EIF6: variants seen among roughly 807,000 people sequenced by gnomAD.
EIF6 encodes the protein eukaryotic translation initiation factor 6.
In EIF6, 10 loss-of-function variants were observed where a neutral mutation model predicts 25.5. The ratio of observed to expected loss-of-function variants is 0.39; its 90% CI spans 0.24 to 0.66. The LOEUF is 0.66. EIF6 is among the 30% of genes least tolerant of loss of function. The probability of loss-of-function intolerance (pLI) is 0.45; values close to 1 mark genes in which losing one functional copy is unlikely to be tolerated. For synonymous variants in EIF6, 122 were observed against 122.6 expected (o/e 1.00, Z 0.03); for missense variants, 246 against 315.4 (o/e 0.78, Z 1.67).
In EIF6 at chr20:35,279,164, G is replaced by A. The variant is rs2060746954; in HGVS notation, c.*33C>T. 4 of 1,613,804 alleles carry A rather than the reference G, an allele frequency of 2.5e-6. No individual in the cohort carries two copies. Among genetic ancestry groups the A allele is most frequent in the South Asian group, 1.1e-5 (1 of 91,056 alleles). On this transcript the variant is annotated 3_prime_UTR_variant, in exon 7 of 7. Transcript: ENST00000374450. ...TGGAGAAGGTTGGCCACAGTCCAGA[G>A]CCAGGAGCCCATGGAACAACTTGGA...
intron 3 of EIF6, among the ~76,000 whole-genome samples, chr20:35,283,421 A>G (rs1230010668): frequency 6.6e-6 from 1 of 152,264 alleles, no homozygotes; most frequent in African/African-American, 2.4e-5. Flanking sequence ...GGAAGACCGC[A>G]TATCTTAGCT....
intron 4 of EIF6, 46 bp downstream of exon 4, chr20:35,280,608 G>A (rs1461575625): frequency 1.3e-6 from 2 of 1,599,600 alleles, no homozygotes; most frequent in Middle Eastern, 1.7e-4. Context: ...GCTAACCACT[G>A]ACTAGGATGG....
rs2060760064 is a variant in EIF6, at chr20:35,280,029, G to A, written c.459C>T (p.Val153=). The part of the protein sequence containing the change: ...ADQVLVGSYC[V]FSNQGGLVHP... The stretch of plus-strand genomic sequence containing the variant: ...GCACCAGCCCTCCCTGATTGCTGAA[G>A]ACACAGTAGCTTCCTACTAGCACCT... Residue 153 remains valine (V), a synonymous_variant, in exon 5 of 7, where the codon GTC becomes GTT. Transcript: ENST00000374450. 6.2e-7 allele frequency: 1 copy of A among 1,614,108 alleles called. No individual in the cohort carries two copies. Among genetic ancestry groups the A allele is most frequent in the African/African-American group, 1.3e-5 (1 of 74,932 alleles).
Position 35,279,717 on chromosome 20 carries a change from T to TCA in EIF6, c.575_576dup (p.Ile193Ter). 5.6e-6 allele frequency: 9 copies of TCA among 1,614,138 alleles called. No homozygotes were observed. Among genetic ancestry groups the TCA allele is most frequent in the Non-Finnish European group, 6.8e-6 (8 of 1,180,034 alleles). On this transcript the variant is annotated frameshift_variant, in exon 6 of 7. Transcript: ENST00000374450. LOFTEE classifies it high-confidence loss of function. ...TCATTCACCACCATCCCAGCAGCAA[T>TCA]CACCTCACTGCCTCGGTTCACAGTC...
At chr20:35,281,337 G>T (rs1039970148) in intron 3 of EIF6, among the ~76,000 whole-genome samples, 3 of 150,140 alleles carry the variant, frequency 2.0e-5, no homozygotes, top group African/African-American at 7.4e-5. Context: ...AGTGAGCCGA[G>T]ATCGCGCCAC....
chr20:35,279,041 A>T lies in EIF6; in HGVS notation c.*156T>A. On this transcript the variant is annotated 3_prime_UTR_variant, in exon 7 of 7. Transcript: ENST00000374450. Reference sequence around the variant, plus strand: ...TTTGCAGTAATGATAGATCCAGGCGATAAGCACAGGTGGAAAAGGGTTGGG... The same window carrying T: ...TTTGCAGTAATGATAGATCCAGGCGTTAAGCACAGGTGGAAAAGGGTTGGG... 3 of 917,856 alleles carry T rather than the reference A, an allele frequency of 3.3e-6. No homozygotes were observed. Among genetic ancestry groups the T allele is most frequent in the Non-Finnish European group, 5.2e-6 (3 of 578,590 alleles). The allele number at this position is 917,856 out of a possible 1,614,324, so 56.9% of individuals were successfully genotyped here.
chr20:35,279,303 C>G (rs982401037), intron 6 of EIF6, 97 bp from the exon 7 acceptor site: 25 of 1,511,696 alleles, frequency 1.7e-5, no homozygotes, highest in African/African-American at 2.8e-5. Flanking sequence ...CCGGGACCAG[C>G]TCTGACAAGC....
chr20:35,280,022 T>C lies in EIF6; in HGVS notation c.466A>G (p.Asn156Asp), dbSNP rs1313163110. ...TTGGGATGCACCAGCCCTCCCTGAT[T>C]GCTGAAGACACAGTAGCTTCCTACT... Reference protein sequence around the residue: ...VLVGSYCVFSNQGGLVHPKTS... With the variant: ...VLVGSYCVFSDQGGLVHPKTS... Residue 156 changes from asparagine (N) to aspartate (D), a missense_variant, in exon 5 of 7, where the codon AAT (asparagine) becomes GAT (aspartate). Transcript: ENST00000374450. 1 of 1,614,088 alleles carries C rather than the reference T, an allele frequency of 6.2e-7. No homozygotes were observed. Among genetic ancestry groups the C allele is most frequent in the African/African-American group, 1.3e-5 (1 of 74,918 alleles).
chr20:35,283,968 C>G (rs1183596961), intron 3 of EIF6, among the ~76,000 whole-genome samples: 2 of 152,180 alleles, frequency 1.3e-5, no homozygotes, highest in African/African-American at 4.8e-5. Flanking sequence ...AGTGAAAGCA[C>G]TTTACATTAT....
rs116416718 is a variant in EIF6, at chr20:35,281,951, T to C, written c.194-1122A>G. Among the ~76,000 whole-genome samples the C allele has an allele frequency of 4.2e-3, 644 of 152,180 alleles. 2 individuals carry two copies. Among genetic ancestry groups the C allele is most frequent in the African/African-American group, 0.015 (611 of 41,522 alleles). Reference sequence around the variant, plus strand: ...AGGTATCATATACCCAGTAGAAATATGTACATGTGTTCACTAAAAAAACAT... The same window carrying C: ...AGGTATCATATACCCAGTAGAAATACGTACATGTGTTCACTAAAAAAACAT... On this transcript the variant is annotated intron_variant, in intron 3 of 6. Transcript: ENST00000374450.
At chr20:35,280,974 A>G in intron 3 of EIF6, 145 bp from the exon 4 acceptor site, 2 of 945,354 alleles carry the variant, frequency 2.1e-6, no homozygotes, top group East Asian at 5.3e-5. Flanking sequence ...GATCTGGAAA[A>G]CACCCAGGGC....
chr20:35,279,686 C>G lies in EIF6; in HGVS notation c.608G>C (p.Cys203Ser). The change falls in exon 6 of 7, where the codon TGT becomes TCT. Residue 203 changes from cysteine (C) to serine (S), a missense_variant. Transcript: ENST00000374450. The stretch of plus-strand genomic sequence containing the variant: ...GGTTGTGTCCAGGCCACAGAAGGCA[C>G]ACCAGTCATTCACCACCATCCCAGC... ...IAAGMVVNDW[C>S]AFCGLDTTST... 6.2e-7 allele frequency: 1 copy of G among 1,614,212 alleles called. No individual in the cohort carries two copies. Among genetic ancestry groups the G allele is most frequent in the Non-Finnish European group, 8.5e-7 (1 of 1,180,050 alleles).
At position 35,279,722 on chromosome 20, in the gene EIF6, T is replaced by A. The variant is rs1420823221; in HGVS notation, c.572A>T (p.Glu191Val). 2 of 1,614,060 alleles carry A rather than the reference T, an allele frequency of 1.2e-6. No individual in the cohort carries two copies. Among genetic ancestry groups the A allele is most frequent in the Admixed American group, 3.3e-5 (2 of 59,998 alleles). ...CACCACCATCCCAGCAGCAATCACC[T>A]CACTGCCTCGGTTCACAGTCCCCGC... ...LVAGTVNRGSEVIAAGMVVND... is the reference protein window; with the variant it reads ...LVAGTVNRGSVVIAAGMVVND... The change falls in exon 6 of 7, where the codon GAG (glutamate) becomes GTG (valine). Residue 191 changes from glutamate to valine, a missense_variant. Coordinates refer to ENST00000374450, the MANE Select transcript of EIF6 (RefSeq NM_002212.4).
chr20:35,283,431 T>C (rs907506044), intron 3 of EIF6, among the ~76,000 whole-genome samples: 2 of 152,224 alleles, frequency 1.3e-5, no homozygotes, highest in African/African-American at 4.8e-5. Flanking sequence ...ATATCTTAGC[T>C]AATCTTTACA....
intron 3 of EIF6, 129 bp downstream of exon 3, chr20:35,284,047 G>A (rs2060800564): frequency 4.9e-6 from 6 of 1,218,798 alleles, no homozygotes; most frequent in Non-Finnish European, 6.8e-6. Context: ...TGGCCTGAGA[G>A]ATTCTATAGT....
chr20:35,283,242 T>C (rs1266140218), intron 3 of EIF6, among the ~76,000 whole-genome samples: 2 of 151,930 alleles, frequency 1.3e-5, no homozygotes, highest in African/African-American at 4.8e-5. Context: ...GCCAAGATCG[T>C]GCCATTGCAC....
chr20:35,280,886 C>G (rs1278022059), intron 3 of EIF6, 57 bp from the exon 4 acceptor site: 14 of 1,582,484 alleles, frequency 8.8e-6, no homozygotes, highest in Admixed American at 1.8e-5. Flanking sequence ...GCCCTAGGGG[C>G]TGAGGATACC....
At chr20:35,284,566 C>T (rs2060809275) in intron 1 of EIF6, 74 bp from the exon 2 acceptor site, 2 of 1,504,966 alleles carry the variant, frequency 1.3e-6, no homozygotes, top group South Asian at 1.3e-5. Context: ...TCCCTCAGGC[C>T]CCGCCGCGAC....
chr20:35,279,176 TG>T lies in EIF6; in HGVS notation c.*20del. The T allele has an allele frequency of 6.2e-7, 1 of 1,613,864 alleles. No individual in the cohort carries two copies. The highest frequency in any genetic ancestry group is 8.5e-7 in the Non-Finnish European group (1 of 1,179,886). ...GCCACAGTCCAGAGCCAGGAGCCCA[TG>T]GAACAACTTGGAAGGTGACTCAGGT... is the stretch of plus-strand genomic sequence containing the variant. On this transcript the variant is annotated 3_prime_UTR_variant, in exon 7 of 7. Coordinates refer to ENST00000374450, the MANE Select transcript of EIF6 (RefSeq NM_002212.4).
Sources: allele counts gnomAD v4.1 joint callset (sites outside exome capture counted in the v4.1 genomes callset), GRCh38; gene constraint gnomAD v4.1.1; transcripts MANE v1.5; gene names NCBI Gene and HGNC (gene_info 2026-07-23, HGNC 2026-07-21).